CEP295: variants seen among roughly 807,000 people sequenced by gnomAD.
The protein encoded by CEP295 is centrosomal protein of 295 kDa.
In CEP295, 190 loss-of-function variants were observed where a neutral mutation model predicts 291.6. The observed-to-expected ratio is 0.65, with a 90% CI of 0.58 to 0.73. The LOEUF is 0.73. Ranked by LOEUF, CEP295 falls within the 30% of genes least tolerant of loss-of-function variation. The pLI is 0.00. For synonymous variants in CEP295, 993 were observed against 1,038.8 expected (o/e 0.96, Z 0.85); for missense variants, 2,863 against 2,949.4 (o/e 0.97, Z 0.68).
chr11:93,721,680 GT>G (rs1953731049), intron 19 of CEP295: 1 of 737,142 alleles, frequency 1.4e-6, no homozygotes, highest in African/African-American at 1.7e-5. Context: ...GTGTGTGTGT[GT>G]GTGTGTGTGT....
At chr11:93,720,038 G>A (rs1953578239) in intron 18 of CEP295, among the ~76,000 whole-genome samples, 1 of 142,692 alleles carries the variant, frequency 7.0e-6, no homozygotes, top group Non-Finnish European at 1.5e-5. Context: ...AGTAATATAT[G>A]CTCATTATGA....
chr11:93,669,228 T>C (rs1326781468), intron 4 of CEP295, among the ~76,000 whole-genome samples: 1 of 152,056 alleles, frequency 6.6e-6, no homozygotes, highest in African/African-American at 2.4e-5. Flanking sequence ...CTGTTTCCGA[T>C]GTAAACATGA....
rs767994459 is a variant in CEP295 at position 93,728,823 on chromosome 11, T to C, written c.7302+2T>C. The stretch of plus-strand genomic sequence containing the variant: ...AATGAAGCAAAATGCTTCTTTCAGG[T>C]AAATTTAAGCTTTCCTTCTATTTTA... On this transcript the variant is annotated splice_donor_variant, in intron 25 of 29. Coordinates refer to ENST00000325212, the MANE Select transcript of CEP295 (RefSeq NM_033395.2). LOFTEE classifies it high-confidence loss of function. The C allele has an allele frequency of 2.0e-6, 3 of 1,535,782 alleles. No homozygotes were observed. Among genetic ancestry groups the C allele is most frequent in the South Asian group, 1.2e-5 (1 of 80,956 alleles).
chr11:93,721,453 T>A (rs546554368), intron 19 of CEP295, 41 bp downstream of exon 19: 1 of 1,226,502 alleles, frequency 8.2e-7, no homozygotes, highest in Admixed American at 1.7e-5. Flanking sequence ...TTAGAGCTGT[T>A]TGGCTTCGTA....
chr11:93,726,101 T>C (rs1565222525), intron 23 of CEP295, among the ~76,000 whole-genome samples: 2 of 152,044 alleles, frequency 1.3e-5, no homozygotes, highest in Admixed American at 6.6e-5. Flanking sequence ...AGTATTATTT[T>C]TTTGTTTGTT....
rs61746125 is a variant in CEP295 at position 93,698,698 on chromosome 11, A to G, written c.3786A>G (p.Ala1262=). The change falls in exon 15 of 30, where the codon GCA becomes GCG. Residue 1262 remains alanine (A), a synonymous_variant. Transcript: ENST00000325212. ...PLQDNLEEHQ[A]WLDTEKEAFH... is the part of the protein sequence containing the mutation. ...AAGATAATTTGGAGGAACACCAAGC[A>G]TGGCTAGACACTGAGAAAGAAGCCT... 0.011 allele frequency: 16,832 copies of G among 1,551,280 alleles called. 124 individuals carry two copies. Among genetic ancestry groups the G allele is most frequent in the Non-Finnish European group, 0.013 (15,332 of 1,147,054 alleles).
At position 93,727,582 on chromosome 11, in the gene CEP295, C is replaced by CAA; in HGVS notation, c.7107_7108insAA (p.Glu2370LysfsTer27). 6.4e-7 allele frequency: 1 copy of CAA among 1,550,908 alleles called. No homozygotes were observed. The highest frequency in any genetic ancestry group is 8.7e-7 in the Non-Finnish European group (1 of 1,146,788). On this transcript the variant is annotated frameshift_variant, in exon 24 of 30. Transcript: ENST00000325212. LOFTEE classifies it high-confidence loss of function. ...AAAAAACTATCTCAACTAGGAGAAT[C>CAA]AGAGCTTTTTGCAAGTTCTGGATCA... is the stretch of plus-strand genomic sequence containing the variant.
At chr11:93,682,080 A>T (rs1591006275) in intron 7 of CEP295, among the ~76,000 whole-genome samples, 1 of 152,118 alleles carries the variant, frequency 6.6e-6, no homozygotes, top group African/African-American at 2.4e-5. Flanking sequence ...GATAATTAGA[A>T]TCTTAGTATA....
At chr11:93,708,118 A>G (rs1952640600) in intron 18 of CEP295, among the ~76,000 whole-genome samples, 1 of 152,182 alleles carries the variant, frequency 6.6e-6, no homozygotes, top group African/African-American at 2.4e-5. Flanking sequence ...ACAATGTGTA[A>G]TATTCACATC....
chr11:93,672,593 TTTC>T (rs1950503413), intron 5 of CEP295, among the ~76,000 whole-genome samples: 1 of 152,146 alleles, frequency 6.6e-6, no homozygotes, highest in African/African-American at 2.4e-5. Flanking sequence ...TGGCATTTTT[TTTC>T]TTCTTTTCCA....
At position 93,727,312 on chromosome 11, in the gene CEP295, T is replaced by G. The variant is rs1191343710; in HGVS notation, c.6836T>G (p.Met2279Arg). The part of the protein sequence containing the change: ...KHQLESRKES[M>R]GFEELSKRGV... The stretch of plus-strand genomic sequence containing the variant: ...CAACTAGAAAGCAGAAAGGAAAGTA[T>G]GGGCTTTGAAGAACTATCAAAAAGA... The change falls in exon 24 of 30, where the codon ATG becomes AGG. Residue 2279 changes from methionine to arginine, a missense_variant. Transcript: ENST00000325212. 1 of 1,551,484 alleles carries G rather than the reference T, an allele frequency of 6.4e-7. No individual in the cohort carries two copies.
intron 3 of CEP295, among the ~76,000 whole-genome samples, chr11:93,668,140 G>A (rs1950271621): frequency 6.6e-6 from 1 of 151,956 alleles, no homozygotes. Flanking sequence ...GATTTGGTGG[G>A]GTGAATTCAA....
chr11:93,727,003 A>T lies in CEP295; in HGVS notation c.6527A>T (p.Gln2176Leu), dbSNP rs368506164. Residue 2176 changes from glutamine to leucine, a missense_variant, in exon 24 of 30, where the codon CAG becomes CTG. Gln to Leu is a moderately radical substitution (Grantham distance 113). Transcript: ENST00000325212. The stretch of plus-strand genomic sequence containing the variant: ...TCTGAACAATGTTTTGAACAGCTTC[A>T]GCCAGAATATTCTTCACAGGAGGAG... ...GGSEQCFEQL[Q>L]PEYSSQEESQ... 1 of 1,537,800 alleles carries T rather than the reference A, an allele frequency of 6.5e-7. No individual in the cohort carries two copies. Among genetic ancestry groups the T allele is most frequent in the East Asian group, 2.5e-5 (1 of 40,810 alleles).
intron 7 of CEP295, among the ~76,000 whole-genome samples, chr11:93,681,021 T>C (rs946286101): frequency 1.3e-5 from 2 of 152,238 alleles, no homozygotes; most frequent in Non-Finnish European, 2.9e-5. Context: ...TGAATTATTA[T>C]CAGTAATTCT....
intron 24 of CEP295, chr11:93,728,394 A>G (rs896183770): frequency 3.0e-5 from 7 of 233,446 alleles, no homozygotes; most frequent in African/African-American, 1.6e-4. Context: ...TTTTTGCCCA[A>G]CACTACAAGC....
At chr11:93,720,655 C>T (rs1426004036) in intron 18 of CEP295, among the ~76,000 whole-genome samples, 2 of 152,006 alleles carry the variant, frequency 1.3e-5, no homozygotes, top group Non-Finnish European at 2.9e-5. Flanking sequence ...TGTGGTGGCA[C>T]ATTCTCGGTT....
intron 17 of CEP295, among the ~76,000 whole-genome samples, chr11:93,704,966 C>G (rs747400003): frequency 6.6e-6 from 1 of 152,108 alleles, no homozygotes; most frequent in Non-Finnish European, 1.5e-5. Context: ...TATGGTGATA[C>G]ATAGACCTTT....
At chr11:93,677,371 TTG>T (rs772364976) in intron 6 of CEP295, among the ~76,000 whole-genome samples, 1 of 152,032 alleles carries the variant, frequency 6.6e-6, no homozygotes, top group Admixed American at 6.6e-5. Context: ...AGAGCTGCTA[TTG>T]TGTGTGTGTG....
At chr11:93,721,694 G>GTC in intron 19 of CEP295, 1 of 727,802 alleles carries the variant, frequency 1.4e-6, no homozygotes, top group Non-Finnish European at 2.5e-6. Context: ...GTGTGTGTGT[G>GTC]TGTGTGTACG....
Sources: allele counts gnomAD v4.1 joint callset (sites outside exome capture counted in the v4.1 genomes callset), GRCh38; gene constraint gnomAD v4.1.1; transcripts MANE v1.5; gene names NCBI Gene and HGNC (gene_info 2026-07-23, HGNC 2026-07-21).